The following DPP10 variants were observed in gnomAD, a reference collection of about 807,000 sequenced individuals.
DPP10 encodes the protein dipeptidyl peptidase like 10.
Under a neutral mutation model 120.9 loss-of-function variants are expected in DPP10, and 33 were observed. The observed-to-expected ratio is 0.27, with a 90% CI of 0.21 to 0.37. The LOEUF (loss-of-function observed/expected upper bound fraction) is 0.37. Among genes scored for constraint, DPP10 ranks in the 10% least tolerant of loss-of-function variants. DPP10 has a pLI of 1.00. For synonymous variants in DPP10, 337 were observed against 326.1 expected, an observed-to-expected ratio of 1.03 and a Z score of -0.36; for missense variants, 816 against 942.8, an observed-to-expected ratio of 0.87 and a Z score of 1.76.
At chr2:114,491,426 T>A (rs903659816) in intron 1 of DPP10, among the ~76,000 whole-genome samples, 1 of 152,214 alleles carries the variant, frequency 6.6e-6, no homozygotes, top group South Asian at 2.1e-4. Context: ...GGATATCCTT[T>A]GTATAAAAAT....
intron 1 of DPP10, among the ~76,000 whole-genome samples, chr2:114,590,735 C>G (rs1292358949): frequency 6.6e-6 from 1 of 152,102 alleles, no homozygotes; most frequent in Non-Finnish European, 1.5e-5. Context: ...AAAATAGAAA[C>G]AAGTAACTTC....
chr2:115,234,130 TTTA>T, intron 1 of DPP10: 1 of 324,198 alleles, frequency 3.1e-6, no homozygotes, highest in Middle Eastern at 5.9e-4. Flanking sequence ...TAGATCTGTG[TTTA>T]TTATATTTTT....
intron 1 of DPP10, among the ~76,000 whole-genome samples, chr2:114,975,429 A>G (rs1699692808): frequency 6.6e-6 from 1 of 152,194 alleles, no homozygotes; most frequent in African/African-American, 2.4e-5. Context: ...ATTAGAGACC[A>G]TAGAAAATAT....
intron 1 of DPP10, among the ~76,000 whole-genome samples, chr2:114,482,540 G>T (rs1558800144): frequency 6.6e-6 from 1 of 152,088 alleles, no homozygotes; most frequent in Admixed American, 6.6e-5. Context: ...TTCTGATCTG[G>T]ACCAAAGTCA....
chr2:115,409,363 A>G (rs1414031501), intron 3 of DPP10, among the ~76,000 whole-genome samples: 3 of 152,186 alleles, frequency 2.0e-5, no homozygotes, highest in Non-Finnish European at 2.9e-5. Context: ...TCACTTTACT[A>G]AAGATCACAT....
chr2:115,578,324 A>G (rs1240957424), intron 5 of DPP10, among the ~76,000 whole-genome samples: 1 of 152,160 alleles, frequency 6.6e-6, no homozygotes, highest in Non-Finnish European at 1.5e-5. Context: ...TTTCTGTAGT[A>G]ACTCTAAATT....
In DPP10 at chr2:115,528,028, A is replaced by T. The variant is rs2078235938; in HGVS notation, c.441+2056A>T. ...TTGTGAGTTATGCCACAATAAACAT[A>T]TGTGTGCATGTGTCTTTATAGCAGC... On this transcript the variant is annotated intron_variant, in intron 5 of 25. Transcript: ENST00000410059. Among the ~76,000 whole-genome samples, 6 of 152,216 alleles carry T rather than the reference A, an allele frequency of 3.9e-5. No homozygotes were observed. In the South Asian group the frequency reaches 1.2e-3, roughly 32 times the overall value.
At position 115,753,356 on chromosome 2, in the gene DPP10, A is replaced by G. The variant is rs561306639; in HGVS notation, c.1074+59A>G. ...ATGAAGTAGCTTATGCAGCTTTACA[A>G]AGGGGAAACAGGAAATGCTTTGTAC... On this transcript the variant is annotated intron_variant, in intron 11 of 25. Transcript: ENST00000410059. 2.6e-5 allele frequency: 39 copies of G among 1,481,886 alleles called. No individual in the cohort carries two copies. In the East Asian group the frequency reaches 8.9e-4, roughly 34 times the overall value. The allele number at this position is 1,481,886 out of a possible 1,614,324, so 91.8% of individuals were successfully genotyped here. A position where few individuals can be genotyped will look rare whatever the true frequency, so the allele number is the denominator to read the frequency against.
At chr2:114,581,405 G>T (rs890280160) in intron 1 of DPP10, among the ~76,000 whole-genome samples, 1 of 151,774 alleles carries the variant, frequency 6.6e-6, no homozygotes, top group Non-Finnish European at 1.5e-5. Context: ...GGATGGTCTC[G>T]ACCTCCTGAC....
At chr2:114,747,778 A>G (rs1318442332) in intron 1 of DPP10, among the ~76,000 whole-genome samples, 1 of 152,172 alleles carries the variant, frequency 6.6e-6, no homozygotes, top group Non-Finnish European at 1.5e-5. Flanking sequence ...ATTTCATTCA[A>G]TTCCTAAAAA....
At chr2:115,536,670 G>T (rs1040979966) in intron 5 of DPP10, among the ~76,000 whole-genome samples, 2 of 151,880 alleles carry the variant, frequency 1.3e-5, no homozygotes, top group East Asian at 3.9e-4. Flanking sequence ...TATAGGACAC[G>T]AATGCTTTTT....
chr2:114,539,783 C>T (rs963508469), intron 1 of DPP10, among the ~76,000 whole-genome samples: 9 of 152,040 alleles, frequency 5.9e-5, no homozygotes, highest in South Asian at 2.1e-4. Flanking sequence ...AATGATTACA[C>T]GCAAGAATGA....
At chr2:115,555,974 G>C (rs986343122) in intron 5 of DPP10, among the ~76,000 whole-genome samples, 9 of 152,096 alleles carry the variant, frequency 5.9e-5, no homozygotes, top group African/African-American at 2.2e-4. Flanking sequence ...ATTTATTTCT[G>C]TGTGTGTTTT....
At chr2:114,532,294 T>TATAC (rs1278399873) in intron 1 of DPP10, among the ~76,000 whole-genome samples, 19 of 65,932 alleles carry the variant, frequency 2.9e-4, no homozygotes, top group Admixed American at 4.6e-4. Context: ...TATATATATA[T>TATAC]ATACACACAC....
intron 1 of DPP10, among the ~76,000 whole-genome samples, chr2:115,306,848 C>T (rs756043129): frequency 6.6e-6 from 1 of 152,118 alleles, no homozygotes; most frequent in Non-Finnish European, 1.5e-5. Context: ...TTACTGACTT[C>T]AGGATAGCAT....
intron 1 of DPP10, among the ~76,000 whole-genome samples, chr2:114,979,364 T>C (rs1242658277): frequency 6.6e-6 from 1 of 152,040 alleles, no homozygotes; most frequent in Non-Finnish European, 1.5e-5. Flanking sequence ...TTTCCATCAG[T>C]TTTGATGTTT....
chr2:115,693,507 G>A (rs1384941528), intron 7 of DPP10, among the ~76,000 whole-genome samples: 5 of 152,058 alleles, frequency 3.3e-5, no homozygotes, highest in Non-Finnish European at 7.4e-5. Context: ...AAAATGGACA[G>A]TATTTTGGAA....
intron 1 of DPP10, among the ~76,000 whole-genome samples, chr2:115,016,976 A>T (rs1375642021): frequency 6.7e-6 from 1 of 148,346 alleles, no homozygotes; most frequent in East Asian, 2.1e-4. Flanking sequence ...CAAACACCGC[A>T]TGTTCTCACT....
At chr2:115,288,443 C>A (rs904628487) in intron 1 of DPP10, among the ~76,000 whole-genome samples, 2 of 152,016 alleles carry the variant, frequency 1.3e-5, no homozygotes, top group African/African-American at 4.8e-5. Flanking sequence ...CCTGGTCAGG[C>A]GTGGTGGCTC....
Sources: allele counts gnomAD v4.1 joint callset (sites outside exome capture counted in the v4.1 genomes callset), GRCh38; gene constraint gnomAD v4.1.1; transcripts MANE v1.5; gene names NCBI Gene and HGNC (gene_info 2026-07-23, HGNC 2026-07-21).